Variants in DPP6 observed in about 807,000 individuals in gnomAD.
The protein encoded by DPP6 is A-type potassium channel modulatory protein DPP6.
In DPP6, 69 loss-of-function variants were observed where a neutral mutation model predicts 122.6. The ratio of observed to expected loss-of-function variants is 0.56; its 90% CI spans 0.46 to 0.69. The LOEUF (loss-of-function observed/expected upper bound fraction) is 0.69, where lower values mean the gene tolerates loss of function less well. Among genes scored for constraint, DPP6 ranks in the 30% least tolerant of loss-of-function variants. The probability of loss-of-function intolerance (pLI) is 0.00; values close to 1 mark genes in which losing one functional copy is unlikely to be tolerated. For synonymous variants in DPP6, 418 were observed against 433.1 expected (o/e 0.97, Z 0.43); for missense variants, 928 against 1,116.9 (o/e 0.83, Z 2.41).
intron 7 of DPP6, among the ~76,000 whole-genome samples, chr7:154,679,162 T>C (rs1359464849): frequency 6.6e-6 from 1 of 152,104 alleles, no homozygotes; most frequent in East Asian, 1.9e-4. Flanking sequence ...TCCATCACCA[T>C]CCACAGTGTA....
intron 7 of DPP6, 58 bp from the exon 8 acceptor site, chr7:154,727,709 A>T: frequency 6.6e-7 from 1 of 1,514,816 alleles, no homozygotes; most frequent in South Asian, 1.3e-5. Context: ...TTTTAAGAAC[A>T]GCCTATTTAT....
At chr7:154,254,844 T>C (rs555482296) in intron 1 of DPP6, among the ~76,000 whole-genome samples, 4 of 152,206 alleles carry the variant, frequency 2.6e-5, no homozygotes, top group East Asian at 1.9e-4. Flanking sequence ...TAAGGTTCAA[T>C]TGCAAGATTC....
intron 1 of DPP6, among the ~76,000 whole-genome samples, chr7:154,397,996 A>T (rs560862267): frequency 6.6e-6 from 1 of 152,290 alleles, no homozygotes; most frequent in African/African-American, 2.4e-5. Context: ...CTAAAAATAC[A>T]TTTCTAGATT....
At chr7:154,859,525 G>T (rs1803153350) in intron 17 of DPP6, among the ~76,000 whole-genome samples, 1 of 152,228 alleles carries the variant, frequency 6.6e-6, no homozygotes, top group Non-Finnish European at 1.5e-5. Context: ...TACTGTTTCA[G>T]AATTCTTTGT....
At chr7:154,394,669 C>T (rs1814928449) in intron 1 of DPP6, among the ~76,000 whole-genome samples, 1 of 152,040 alleles carries the variant, frequency 6.6e-6, no homozygotes, top group South Asian at 2.1e-4. Flanking sequence ...CATGGACAAA[C>T]CAAATGTCAT....
chr7:154,666,200 T>TAC (rs1554429582), intron 6 of DPP6, among the ~76,000 whole-genome samples: 11,493 of 102,458 alleles, frequency 0.11, 539 homozygotes, highest in East Asian at 0.31. Flanking sequence ...TATATATATA[T>TAC]ACACATATAC....
intron 1 of DPP6, among the ~76,000 whole-genome samples, chr7:153,980,280 G>T (rs143128804): frequency 6.6e-6 from 1 of 152,048 alleles, no homozygotes; most frequent in African/African-American, 2.4e-5. Flanking sequence ...TTGGGAGGGT[G>T]TATGTGTCCA....
At chr7:153,825,077 G>A in the DPP6 span, among the ~76,000 whole-genome samples, 8 of 152,112 alleles carry the variant, frequency 5.3e-5, no homozygotes, top group South Asian at 2.1e-4. Flanking sequence ...TGTGGGAAGC[G>A]TTGTGACACC....
At chr7:153,981,527 AT>A (rs1397256650) in intron 1 of DPP6, among the ~76,000 whole-genome samples, 2 of 152,166 alleles carry the variant, frequency 1.3e-5, no homozygotes, top group African/African-American at 4.8e-5. Flanking sequence ...TAATTGGGGC[AT>A]TTAGTGCATT....
At chr7:154,705,002 G>T (rs1840747023) in intron 7 of DPP6, among the ~76,000 whole-genome samples, 1 of 152,172 alleles carries the variant, frequency 6.6e-6, no homozygotes, top group Non-Finnish European at 1.5e-5. Context: ...GAGTAGCTGA[G>T]ATTACAAGCA....
At chr7:154,464,924 T>C (rs1403656685) in intron 2 of DPP6, among the ~76,000 whole-genome samples, 1 of 152,216 alleles carries the variant, frequency 6.6e-6, no homozygotes, top group Non-Finnish European at 1.5e-5. Context: ...ACTTATACTA[T>C]GGGGTTTTAT....
At chr7:154,654,258 C>T (rs1472324282) in intron 6 of DPP6, among the ~76,000 whole-genome samples, 2 of 151,850 alleles carry the variant, frequency 1.3e-5, no homozygotes, top group African/African-American at 4.8e-5. Context: ...GATGACTGTG[C>T]TCATATTTGT....
intron 1 of DPP6, among the ~76,000 whole-genome samples, chr7:154,382,516 G>A (rs1006440748): frequency 6.6e-6 from 1 of 152,212 alleles, no homozygotes; most frequent in Admixed American, 6.5e-5. Flanking sequence ...TCAAGGATTT[G>A]TCCTTCATCA....
At chr7:154,185,080 A>G (rs1372960331) in intron 1 of DPP6, among the ~76,000 whole-genome samples, 1 of 152,222 alleles carries the variant, frequency 6.6e-6, no homozygotes, top group Non-Finnish European at 1.5e-5. Flanking sequence ...CAGAAGCCCT[A>G]TCTAACTAGA....
chr7:154,462,558 A>G (rs1367120106), intron 2 of DPP6, among the ~76,000 whole-genome samples: 1 of 151,970 alleles, frequency 6.6e-6, no homozygotes, highest in Non-Finnish European at 1.5e-5. Flanking sequence ...TATAGTTTTC[A>G]TTGTAGAGAT....
At position 154,486,453 on chromosome 7, in the gene DPP6, G is replaced by A. The variant is rs971193455; in HGVS notation, c.457+11416G>A. Among the ~76,000 whole-genome samples, 14 of 152,048 alleles carry A rather than the reference G, an allele frequency of 9.2e-5. No homozygotes were observed. Among genetic ancestry groups the A allele is most frequent in the Admixed American group, 3.3e-4 (5 of 15,250 alleles). On this transcript the variant is annotated intron_variant, in intron 3 of 25. Coordinates refer to ENST00000377770, the MANE Select transcript of DPP6 (RefSeq NM_130797.4). The surrounding 1 kb of genome is among the most constrained non-coding windows in gnomAD (Gnocchi z 4.5). ...GGCCACTCATGGCCTCTATTACCAC[G>A]TTCCTGGCCATATTAGGTTCTTTGG...
intron 1 of DPP6, among the ~76,000 whole-genome samples, chr7:154,309,452 A>G (rs79850981): frequency 0.12 from 18,656 of 152,054 alleles, 1,305 homozygotes; most frequent in African/African-American, 0.19. Flanking sequence ...TTTTTAAACA[A>G]CAGATTCCAT....
chr7:154,112,738 C>CT (rs921531830), intron 1 of DPP6, among the ~76,000 whole-genome samples: 160 of 151,980 alleles, frequency 1.1e-3, no homozygotes, highest in African/African-American at 3.4e-3. Context: ...TCTTTTCTTT[C>CT]TTTTTTTTGT....
At chr7:154,232,615 C>T (rs1204555318) in intron 1 of DPP6, among the ~76,000 whole-genome samples, 1 of 152,190 alleles carries the variant, frequency 6.6e-6, no homozygotes, top group Non-Finnish European at 1.5e-5. Flanking sequence ...GGACACTGGG[C>T]AGCTCATCCC....
Sources: allele counts gnomAD v4.1 joint callset (sites outside exome capture counted in the v4.1 genomes callset), GRCh38; gene constraint gnomAD v4.1.1; non-coding constraint Gnocchi (gnomAD v3.1); transcripts MANE v1.5; gene names NCBI Gene and HGNC (gene_info 2026-07-23, HGNC 2026-07-21).